The following LUZP2 variants were observed in gnomAD, a reference collection of about 807,000 sequenced individuals.
LUZP2 encodes leucine zipper protein 2.
LUZP2 carries 52 observed loss-of-function variants against 51.6 expected under a neutral mutation model. That is an observed-to-expected ratio of 1.01 (90% CI 0.81 to 1.27). The LOEUF is 1.27. LUZP2 is among the 50% of genes most tolerant of loss of function. LUZP2 has a pLI of 0.00. For missense variants in LUZP2, 436 were observed against 395.4 expected (o/e 1.10, Z -0.87); for synonymous variants, 154 against 137.3 (o/e 1.12, Z -0.85).
At chr11:24,497,589 A>G (rs1054184902) in intron 1 of LUZP2, among the ~76,000 whole-genome samples, 2 of 152,204 alleles carry the variant, frequency 1.3e-5, no homozygotes, top group African/African-American at 2.4e-5. Flanking sequence ...CGGTCCTATT[A>G]GTAGCCAAAA....
chr11:24,757,121 T>C (rs897265444), intron 4 of LUZP2, among the ~76,000 whole-genome samples: 4 of 152,170 alleles, frequency 2.6e-5, no homozygotes, highest in African/African-American at 7.2e-5. Flanking sequence ...CCTGAGAACA[T>C]GTGTTTGTGT....
At chr11:24,522,941 G>C (rs1480535495) in intron 1 of LUZP2, among the ~76,000 whole-genome samples, 1 of 151,862 alleles carries the variant, frequency 6.6e-6, no homozygotes, top group Non-Finnish European at 1.5e-5. Context: ...CCAAACTTCT[G>C]TGCCTTACCT....
chr11:24,853,928 G>A (rs933130480), intron 5 of LUZP2, among the ~76,000 whole-genome samples: 7 of 152,246 alleles, frequency 4.6e-5, no homozygotes, highest in Middle Eastern at 3.4e-3. Context: ...GAGCCTTTTT[G>A]CCTGGATATC....
intron 4 of LUZP2, among the ~76,000 whole-genome samples, chr11:24,761,885 T>G (rs1175776122): frequency 6.6e-6 from 1 of 151,206 alleles, no homozygotes; most frequent in Non-Finnish European, 1.5e-5. Context: ...ATAAATAAAA[T>G]GTATAAAAAT....
chr11:24,791,791 T>G (rs1849416768), intron 5 of LUZP2, among the ~76,000 whole-genome samples: 1 of 152,162 alleles, frequency 6.6e-6, no homozygotes, highest in Non-Finnish European at 1.5e-5. Flanking sequence ...AGACCTGTTA[T>G]TTACAGAGTT....
intron 7 of LUZP2, among the ~76,000 whole-genome samples, chr11:24,929,797 G>A (rs965258250): frequency 1.3e-5 from 2 of 152,222 alleles, no homozygotes; most frequent in East Asian, 1.9e-4. Context: ...CTGATGACCT[G>A]TCTAGTGCTG....
intron 5 of LUZP2, among the ~76,000 whole-genome samples, chr11:24,806,450 T>C (rs1317366458): frequency 6.6e-6 from 1 of 152,178 alleles, no homozygotes; most frequent in Non-Finnish European, 1.5e-5. Flanking sequence ...CCATCAACCC[T>C]TAAGTTACTA....
chr11:24,758,388 A>T (rs886856543), intron 4 of LUZP2, among the ~76,000 whole-genome samples: 2 of 151,662 alleles, frequency 1.3e-5, no homozygotes, highest in African/African-American at 4.8e-5. Flanking sequence ...TTTATTTTAT[A>T]ATGTGCATCT....
chr11:24,741,785 A>G (rs1157765572), intron 4 of LUZP2, among the ~76,000 whole-genome samples: 1 of 144,738 alleles, frequency 6.9e-6, no homozygotes, highest in East Asian at 2.0e-4. Context: ...TTATATATAT[A>G]TGGTTAATAT....
Position 24,591,087 on chromosome 11 carries a change from T to TGACA in LUZP2, c.62+93785_62+93788dup, listed in dbSNP as rs563605297. 2.3e-3 allele frequency among the ~76,000 whole-genome samples: 355 copies of TGACA among 152,144 alleles called. 3 individuals carry two copies. Among genetic ancestry groups the TGACA allele is most frequent in the African/African-American group, 8.1e-3 (338 of 41,492 alleles). On this transcript the variant is annotated intron_variant, in intron 1 of 11. Transcript: ENST00000336930. The stretch of plus-strand genomic sequence containing the variant: ...TTGTGCTACTGCACTACAGTGTGGG[T>TGACA]GACAGAGCAAGCCCCAATCCCTTAA...
chr11:24,530,762 C>CTTT lies in LUZP2; in HGVS notation c.62+33478_62+33480dup, dbSNP rs367857815. 3.8e-3 allele frequency among the ~76,000 whole-genome samples: 285 copies of CTTT among 75,286 alleles called. 1 individual carries two copies. Among genetic ancestry groups the CTTT allele is most frequent in the Non-Finnish European group, 4.9e-3 (182 of 37,064 alleles). The allele number at this position is 75,286 out of a possible 152,430, so 49.4% of individuals were successfully genotyped here. ...TAACCTATTTGATTCCTTCTTCTTA[C>CTTT]TTTTTTTTTTTTTTTTTTTTTTTGG... is the stretch of plus-strand genomic sequence containing the variant. On this transcript the variant is annotated intron_variant, in intron 1 of 11. Transcript: ENST00000336930.
chr11:25,023,723 G>T (rs956405712), intron 9 of LUZP2, among the ~76,000 whole-genome samples: 1 of 152,090 alleles, frequency 6.6e-6, no homozygotes, highest in African/African-American at 2.4e-5. Flanking sequence ...TAATTGTGAT[G>T]TTAGGGTGTC....
intron 1 of LUZP2, among the ~76,000 whole-genome samples, chr11:24,570,554 T>G (rs1553741): frequency 6.6e-6 from 1 of 151,794 alleles, no homozygotes; most frequent in Non-Finnish European, 1.5e-5. Flanking sequence ...AGACTAATCC[T>G]CCATTTCAAC....
At chr11:24,992,404 T>C (rs1170047001) in intron 9 of LUZP2, among the ~76,000 whole-genome samples, 1 of 152,072 alleles carries the variant, frequency 6.6e-6, no homozygotes, top group Non-Finnish European at 1.5e-5. Flanking sequence ...ATGATTTTCT[T>C]AGGACTATAA....
At chr11:24,634,283 T>A (rs1854997215) in intron 1 of LUZP2, among the ~76,000 whole-genome samples, 1 of 152,056 alleles carries the variant, frequency 6.6e-6, no homozygotes, top group South Asian at 2.1e-4. Context: ...ACCCTGGAAG[T>A]ACTATTCCAT....
intron 4 of LUZP2, among the ~76,000 whole-genome samples, chr11:24,750,677 A>G (rs571137727): frequency 3.0e-4 from 46 of 152,256 alleles, no homozygotes; most frequent in African/African-American, 1.1e-3. Flanking sequence ...TTTTTTTATG[A>G]GTAGAAGTTA....
At chr11:25,073,825 T>A (rs1215602073) in intron 10 of LUZP2, among the ~76,000 whole-genome samples, 2 of 152,080 alleles carry the variant, frequency 1.3e-5, no homozygotes, top group African/African-American at 4.8e-5. Flanking sequence ...GTAATGACAA[T>A]AATCAAAGGA....
At chr11:24,566,686 G>A (rs1852237222) in intron 1 of LUZP2, among the ~76,000 whole-genome samples, 1 of 145,796 alleles carries the variant, frequency 6.9e-6, no homozygotes, top group East Asian at 2.0e-4. Context: ...TGTGTTTTCA[G>A]GAATTCACTA....
At chr11:24,771,386 T>C (rs2134052000) in intron 5 of LUZP2, among the ~76,000 whole-genome samples, 1 of 48,326 alleles carries the variant, frequency 2.1e-5, no homozygotes, top group South Asian at 6.9e-4. Context: ...TGTATATACA[T>C]GGCATCGTAT....
Sources: allele counts gnomAD v4.1 joint callset (sites outside exome capture counted in the v4.1 genomes callset), GRCh38; gene constraint gnomAD v4.1.1; transcripts MANE v1.5; gene names NCBI Gene and HGNC (gene_info 2026-07-23, HGNC 2026-07-21).